Variants in CAPN2 observed in about 807,000 individuals in gnomAD.
The protein encoded by CAPN2 is calpain 2.
Under a neutral mutation model 102.3 loss-of-function variants are expected in CAPN2, and 92 were observed. The ratio of observed to expected loss-of-function variants is 0.90; its 90% CI spans 0.76 to 1.07. CAPN2 has a LOEUF of 1.07. CAPN2 is among the 50% of genes least tolerant of loss of function. CAPN2 has a pLI of 0.00. For missense variants in CAPN2, 800 were observed against 909.4 expected (o/e 0.88, Z 1.55); for synonymous variants, 340 against 355.4 (o/e 0.96, Z 0.49).
intron 1 of CAPN2, among the ~76,000 whole-genome samples, chr1:223,704,382 T>A (rs1659555174): frequency 6.6e-6 from 1 of 152,180 alleles, no homozygotes; most frequent in Admixed American, 6.5e-5. Flanking sequence ...GTGAAACGCC[T>A]CAGTCGCCTA....
Position 223,764,217 on chromosome 1 carries a change from C to T in CAPN2, c.1690+10C>T. On this transcript the variant is annotated intron_variant, in intron 15 of 20. Transcript: ENST00000295006. ...AGGGTTCTAGCAAAGCGTGAGTATC[C>T]CCTCATTGCAAAACCTCATCCTGCT... The T allele has an allele frequency of 6.2e-7, 1 of 1,611,596 alleles. No homozygotes were observed. The highest frequency in any genetic ancestry group is 1.1e-5 in the South Asian group (1 of 91,016).
intron 2 of CAPN2, among the ~76,000 whole-genome samples, chr1:223,720,954 T>C (rs1366688214): frequency 6.6e-6 from 1 of 152,216 alleles, no homozygotes; most frequent in Non-Finnish European, 1.5e-5. Flanking sequence ...CTGCGCTTTC[T>C]ACCCTGAGCC....
chr1:223,712,590 G>C lies in CAPN2; in HGVS notation c.-51G>C. 1 of 1,451,038 alleles carries C rather than the reference G, an allele frequency of 6.9e-7. No individual in the cohort carries two copies. Among genetic ancestry groups the C allele is most frequent in the Non-Finnish European group, 9.1e-7 (1 of 1,101,990 alleles). 89.9% of individuals were successfully genotyped at this position (1,451,038 alleles called of 1,614,324 possible). On this transcript the variant is annotated 5_prime_UTR_variant, in exon 1 of 21. Transcript: ENST00000295006. ...TGGCCGCGCCCCAGCCGAGCGCAGC[G>C]CGGAGTCGCCCCGACCTTTCTCTGC...
intron 15 of CAPN2, among the ~76,000 whole-genome samples, chr1:223,764,738 A>G (rs1483125864): frequency 6.6e-6 from 1 of 152,080 alleles, no homozygotes; most frequent in Non-Finnish European, 1.5e-5. Flanking sequence ...ACAGGCATGC[A>G]CTACCACATC....
Position 223,764,208 on chromosome 1 carries a change from G to A in CAPN2, c.1690+1G>A, listed in dbSNP as rs748554233. ...ATCCTGAGAAGGGTTCTAGCAAAGC[G>A]TGAGTATCCCCTCATTGCAAAACCT... On this transcript the variant is annotated splice_donor_variant, in intron 15 of 20. Coordinates refer to ENST00000295006, the MANE Select transcript of CAPN2 (RefSeq NM_001748.5). LOFTEE classifies it high-confidence loss of function. 5.0e-6 allele frequency: 8 copies of A among 1,612,984 alleles called. 1 individual carries two copies. The highest frequency in any genetic ancestry group is 1.6e-4 in the Middle Eastern group (1 of 6,082).
At chr1:223,733,516 G>A (rs548890307) in intron 2 of CAPN2, among the ~76,000 whole-genome samples, 2 of 152,206 alleles carry the variant, frequency 1.3e-5, no homozygotes, top group Admixed American at 1.3e-4. Context: ...CATTCATAAG[G>A]TCTGTCTGGG....
chr1:223,739,182 AT>A (rs5781334), intron 2 of CAPN2, among the ~76,000 whole-genome samples: 5,287 of 132,358 alleles, frequency 0.04, 340 homozygotes, highest in African/African-American at 0.14. Context: ...GCATAAACAG[AT>A]TTTTTTTTTT....
rs1659757211 is a variant in CAPN2 at position 223,712,545 on chromosome 1, C to T, written c.-96C>T. 3.1e-6 allele frequency: 4 copies of T among 1,273,892 alleles called. No individual in the cohort carries two copies. The highest frequency in any genetic ancestry group is 3.9e-6 in the Non-Finnish European group (4 of 1,015,452). The allele number at this position is 1,273,892 out of a possible 1,614,324, so 78.9% of individuals were successfully genotyped here. On this transcript the variant is annotated 5_prime_UTR_variant, in exon 1 of 21. Transcript: ENST00000295006. ...TCGCAGCGGCGGCGCCCGCAGTGGC[C>T]GCAGCAGCGCGCCGGGCCCTGGCCG...
chr1:223,702,063 AAGGGAGGGAGGG>A (rs201905711), intron 1 of CAPN2, among the ~76,000 whole-genome samples: 2 of 27,860 alleles, frequency 7.2e-5, no homozygotes, highest in African/African-American at 2.9e-4. Flanking sequence ...GGAAGGAAGG[AAGGGAGGGAGGG>A]AGGGAGGGAG....
intron 15 of CAPN2, among the ~76,000 whole-genome samples, chr1:223,764,452 A>T (rs748695404): frequency 6.6e-6 from 1 of 151,944 alleles, no homozygotes; most frequent in Non-Finnish European, 1.5e-5. Context: ...TATTTTTTTA[A>T]TTTATTTTAT....
chr1:223,758,892 C>T (rs559674860), intron 11 of CAPN2: 2 of 288,008 alleles, frequency 6.9e-6, no homozygotes, highest in East Asian at 8.7e-5. Flanking sequence ...AGGGGTCTCA[C>T]TACATTGCCC....
At position 223,749,065 on chromosome 1, in the gene CAPN2, C is replaced by T; in HGVS notation, c.756C>T (p.Ala252=). 1 of 1,614,114 alleles carries T rather than the reference C, an allele frequency of 6.2e-7. No individual in the cohort carries two copies. Among genetic ancestry groups the T allele is most frequent in the South Asian group, 1.1e-5 (1 of 91,090 alleles). Reference sequence around the variant, plus strand: ...TCACCAGCGCCGCGGACTCGGAGGCCATCACGTTTCAGAAGCTGGTGAAGG... The same window carrying T: ...TCACCAGCGCCGCGGACTCGGAGGCTATCACGTTTCAGAAGCTGGTGAAGG... ...IDITSAADSE[A]ITFQKLVKGH... is the part of the protein sequence containing the mutation. The change falls in exon 6 of 21, where the codon GCC becomes GCT. Residue 252 remains alanine, a synonymous_variant. Transcript: ENST00000295006.
Position 223,775,035 on chromosome 1 carries a change from AAAGT to A in CAPN2, c.*181_*184del, listed in dbSNP as rs1312703469. 3.2e-6 allele frequency: 2 copies of A among 621,632 alleles called. No individual in the cohort carries two copies. Among genetic ancestry groups the A allele is most frequent in the Middle Eastern group, 3.8e-4 (1 of 2,656 alleles). The allele number at this position is 621,632 out of a possible 1,614,324, so 38.5% of individuals were successfully genotyped here. On this transcript the variant is annotated 3_prime_UTR_variant, in exon 21 of 21. Transcript: ENST00000295006. The stretch of plus-strand genomic sequence containing the variant: ...TGAGATAGCAGAAGTTTCACACATC[AAAGT>A]AAAAGATTTGCATATCATTATACTA...
intron 2 of CAPN2, among the ~76,000 whole-genome samples, chr1:223,738,980 A>G (rs1246784958): frequency 1.3e-5 from 2 of 152,122 alleles, no homozygotes; most frequent in African/African-American, 2.4e-5. Context: ...GCCCCCGGTG[A>G]GATACCCATA....
intron 1 of CAPN2, among the ~76,000 whole-genome samples, chr1:223,714,028 C>T (rs1488579853): frequency 6.6e-6 from 1 of 152,218 alleles, no homozygotes; most frequent in Non-Finnish European, 1.5e-5. Flanking sequence ...GGCCTTCTCA[C>T]CAGCAAGGCA....
chr1:223,744,602 C>T (rs1242809406), intron 3 of CAPN2, among the ~76,000 whole-genome samples: 6 of 152,236 alleles, frequency 3.9e-5, no homozygotes, highest in Non-Finnish European at 8.8e-5. Flanking sequence ...AGCTCATGCC[C>T]GTAATCTCAG....
intron 2 of CAPN2, among the ~76,000 whole-genome samples, chr1:223,721,294 G>A (rs897062631): frequency 2.0e-5 from 3 of 152,150 alleles, no homozygotes; most frequent in East Asian, 3.9e-4. Flanking sequence ...TGAAATCGTG[G>A]GGTAATAACC....
rs564518898 is a variant in CAPN2 at position 223,720,315 on chromosome 1, C to CTCTCTTTTTTT, written c.307+2485_307+2486insCTCTTTTTTTT. On this transcript the variant is annotated intron_variant, in intron 2 of 20. Coordinates refer to ENST00000295006, the MANE Select transcript of CAPN2 (RefSeq NM_001748.5). ...TCATCCTTATTTTCTCTCTTTCTCTCTTTTTTTTTTTTTTTTTTTGACAGG... is the reference window on the plus strand; with the variant it reads ...TCATCCTTATTTTCTCTCTTTCTCTCTCTCTTTTTTTTTTTTTTTTTTTTTTTTTTGACAGG... 2.6e-3 allele frequency among the ~76,000 whole-genome samples: 284 copies of CTCTCTTTTTTT among 107,464 alleles called. 4 individuals carry two copies. Among genetic ancestry groups the CTCTCTTTTTTT allele is most frequent in the African/African-American group, 7.9e-3 (209 of 26,518 alleles). 70.5% of individuals were successfully genotyped at this position (107,464 alleles called of 152,430 possible). A position where few individuals can be genotyped will look rare whatever the true frequency, so the allele number is the denominator to read the frequency against.
chr1:223,703,528 A>G (rs756576117), intron 1 of CAPN2, among the ~76,000 whole-genome samples: 2 of 152,176 alleles, frequency 1.3e-5, no homozygotes, highest in Non-Finnish European at 2.9e-5. Context: ...GCAGACTTCT[A>G]TTGGCCCAGC....
Sources: allele counts gnomAD v4.1 joint callset (sites outside exome capture counted in the v4.1 genomes callset), GRCh38; gene constraint gnomAD v4.1.1; transcripts MANE v1.5; gene names NCBI Gene and HGNC (gene_info 2026-07-23, HGNC 2026-07-21).